Variants in C7orf33 observed in about 807,000 individuals in gnomAD.
C7orf33 encodes uncharacterized protein C7orf33.
In C7orf33, 15 loss-of-function variants were observed where a neutral mutation model predicts 13.4. That is an observed-to-expected ratio of 1.12 (90% CI 0.75 to 1.72). The LOEUF (loss-of-function observed/expected upper bound fraction) is 1.72. C7orf33 is among the 40% of genes most tolerant of loss of function. The pLI is 0.00. For missense variants in C7orf33, 187 were observed against 220.3 expected, an observed-to-expected ratio of 0.85 and a Z score of 0.96; for synonymous variants, 73 against 83.2, an observed-to-expected ratio of 0.88 and a Z score of 0.67.
chr7:148,613,202 G>C (rs1796564756), intron 1 of C7orf33, among the ~76,000 whole-genome samples: 1 of 152,052 alleles, frequency 6.6e-6, no homozygotes, highest in African/African-American at 2.4e-5. Context: ...ATTTCCATGG[G>C]CTCAAGTTTT....
At chr7:148,598,743 TATATATATATATATATATATAG>T (rs1199283732) in intron 1 of C7orf33, among the ~76,000 whole-genome samples, 7 of 69,282 alleles carry the variant, frequency 1.0e-4, no homozygotes, top group East Asian at 8.0e-4. Context: ...TATATATATA[TATATATATATATATATATATAG>T]AGAGAGAGAG....
chr7:148,607,429 C>CCTT (rs56885495), intron 1 of C7orf33, among the ~76,000 whole-genome samples: 2,070 of 152,304 alleles, frequency 0.014, 43 homozygotes, highest in African/African-American at 0.047. Flanking sequence ...CGACAATCCT[C>CCTT]CTTTTGGAGT....
At chr7:148,610,176 C>T (rs2116902307) in intron 1 of C7orf33, among the ~76,000 whole-genome samples, 1 of 152,258 alleles carries the variant, frequency 6.6e-6, no homozygotes, top group African/African-American at 2.4e-5. Flanking sequence ...ACAAGTAAGA[C>T]TTCTGTGATG....
At chr7:148,592,353 T>A (rs1031139183) in intron 1 of C7orf33, among the ~76,000 whole-genome samples, 4 of 152,124 alleles carry the variant, frequency 2.6e-5, no homozygotes, top group Non-Finnish European at 5.9e-5. Flanking sequence ...CAGCCAGGGG[T>A]ACTTTGATGT....
chr7:148,598,058 C>T (rs929895057), intron 1 of C7orf33, among the ~76,000 whole-genome samples: 1 of 152,166 alleles, frequency 6.6e-6, no homozygotes, highest in Non-Finnish European at 1.5e-5. Context: ...CCCAGCCTCC[C>T]TTGCGTTTCT....
chr7:148,598,863 A>T lies in C7orf33; in HGVS notation c.204+7734A>T, dbSNP rs948315404. On this transcript the variant is annotated intron_variant, in intron 1 of 2. Coordinates refer to ENST00000307003, the MANE Select transcript of C7orf33 (RefSeq NM_145304.4). ...AAATTATTTATCTTTTTTTAATTTTATTTATTTATTTATTTTAAGACAGAG... is the reference window on the plus strand; with the variant it reads ...AAATTATTTATCTTTTTTTAATTTTTTTTATTTATTTATTTTAAGACAGAG... Among the ~76,000 whole-genome samples the T allele has an allele frequency of 4.1e-5, 6 of 146,340 alleles. No homozygotes were observed. The East Asian group carries it at 6.0e-4, about 15-fold the overall frequency.
intron 1 of C7orf33, among the ~76,000 whole-genome samples, chr7:148,594,888 G>C (rs1796310541): frequency 6.7e-6 from 1 of 149,796 alleles, no homozygotes; most frequent in Non-Finnish European, 1.5e-5. Flanking sequence ...CTAACAGCAA[G>C]TACAGCCTGC....
rs1265745388 is a variant in C7orf33, at chr7:148,594,660, G to C, written c.204+3531G>C. Reference sequence around the variant, plus strand: ...GGCAGAAGGAGGGTGACAGTTTGTAGGGAGATATAATCCAACCAAATTGTT... The same window carrying C: ...GGCAGAAGGAGGGTGACAGTTTGTACGGAGATATAATCCAACCAAATTGTT... On this transcript the variant is annotated intron_variant, in intron 1 of 2. Coordinates refer to ENST00000307003, the MANE Select transcript of C7orf33 (RefSeq NM_145304.4). Among the ~76,000 whole-genome samples, 2 of 152,234 alleles carry C rather than the reference G, an allele frequency of 1.3e-5. 1 individual carries two copies. Among genetic ancestry groups the C allele is most frequent in the South Asian group, 4.1e-4 (2 of 4,822 alleles).
intron 1 of C7orf33, among the ~76,000 whole-genome samples, chr7:148,606,647 C>T (rs1213619690): frequency 6.6e-6 from 1 of 152,186 alleles, no homozygotes; most frequent in African/African-American, 2.4e-5. Context: ...GGCGTGATCT[C>T]AGCTCACTGC....
chr7:148,601,081 T>C (rs1415502384), intron 1 of C7orf33, among the ~76,000 whole-genome samples: 1 of 151,552 alleles, frequency 6.6e-6, no homozygotes, highest in African/African-American at 2.4e-5. Flanking sequence ...GGATTACAGG[T>C]GTGAGCCACC....
intron 1 of C7orf33, among the ~76,000 whole-genome samples, chr7:148,603,414 G>A (rs570091788): frequency 4.6e-5 from 7 of 152,130 alleles, no homozygotes; most frequent in East Asian, 1.9e-4. Context: ...AAAATTGGCC[G>A]AAAATCGCTT....
chr7:148,590,901 A>C lies in C7orf33; in HGVS notation c.-25A>C. On this transcript the variant is annotated 5_prime_UTR_variant, in exon 1 of 3. Transcript: ENST00000307003. ...AGCGCCGCTCTCCTTGACAGCATCCAGGAAAGGTAATTACCTTTGCCAAAA... is the reference window on the plus strand; with the variant it reads ...AGCGCCGCTCTCCTTGACAGCATCCCGGAAAGGTAATTACCTTTGCCAAAA... 1.9e-6 allele frequency: 3 copies of C among 1,607,320 alleles called. No individual in the cohort carries two copies. Among genetic ancestry groups the C allele is most frequent in the Non-Finnish European group, 2.6e-6 (3 of 1,173,880 alleles).
chr7:148,608,378 C>T (rs899571201), intron 1 of C7orf33, among the ~76,000 whole-genome samples: 10 of 151,800 alleles, frequency 6.6e-5, no homozygotes, highest in Admixed American at 4.6e-4. Flanking sequence ...TGCAGTGAGC[C>T]GAGATCAGGC....
At chr7:148,598,542 G>A (rs180911568) in intron 1 of C7orf33, among the ~76,000 whole-genome samples, 27 of 151,434 alleles carry the variant, frequency 1.8e-4, no homozygotes, top group Admixed American at 1.2e-3. Context: ...TAAACTTGAC[G>A]TTATGTTGCA....
rs1024840955 is a variant in C7orf33, at chr7:148,591,227, A to G, written c.204+98A>G. On this transcript the variant is annotated intron_variant, in intron 1 of 2. Transcript: ENST00000307003. ...AATCCATGAATGTTTTTGACTCTCT[A>G]CTATGTGTTATGGAACTGGGCTTAA... 8.6e-6 allele frequency: 9 copies of G among 1,040,688 alleles called. No homozygotes were observed. The Admixed American group carries it at 1.5e-4, about 18-fold the overall frequency. 64.5% of individuals were successfully genotyped at this position (1,040,688 alleles called of 1,614,324 possible). A position where few individuals can be genotyped will look rare whatever the true frequency, so the allele number is the denominator to read the frequency against.
intron 1 of C7orf33, among the ~76,000 whole-genome samples, chr7:148,599,535 A>T (rs573736691): frequency 7.1e-6 from 1 of 140,810 alleles, no homozygotes; most frequent in Non-Finnish European, 1.5e-5. Flanking sequence ...GTGCAATGGC[A>T]TGGTCTCAGC....
At chr7:148,606,867 G>A (rs1002378625) in intron 1 of C7orf33, among the ~76,000 whole-genome samples, 4 of 151,774 alleles carry the variant, frequency 2.6e-5, no homozygotes, top group Middle Eastern at 3.4e-3. Context: ...GATGACAGGC[G>A]TGAGCCACCG....
At chr7:148,613,562 T>C (rs11979232) in intron 1 of C7orf33, among the ~76,000 whole-genome samples, 88,326 of 152,138 alleles carry the variant, frequency 0.58, 26,125 homozygotes, top group African/African-American at 0.67. Flanking sequence ...AGAATTCAGT[T>C]ACAAAATACT....
At chr7:148,592,503 T>C (rs1350390754) in intron 1 of C7orf33, among the ~76,000 whole-genome samples, 1 of 150,038 alleles carries the variant, frequency 6.7e-6, no homozygotes, top group Non-Finnish European at 1.5e-5. Flanking sequence ...GTGGAGCATA[T>C]AGGGTAGATA....
Sources: allele counts gnomAD v4.1 joint callset (sites outside exome capture counted in the v4.1 genomes callset), GRCh38; gene constraint gnomAD v4.1.1; transcripts MANE v1.5; gene names NCBI Gene and HGNC (gene_info 2026-07-23, HGNC 2026-07-21).